Variants in EIF4G2 observed in about 807,000 individuals in gnomAD.
EIF4G2 encodes the protein DAP-5.
In EIF4G2, 8 loss-of-function variants were observed where a neutral mutation model predicts 117.7. The observed-to-expected ratio is 0.07, with a 90% CI of 0.04 to 0.12. The LOEUF is 0.12. Among genes scored for constraint, EIF4G2 ranks in the 10% least tolerant of loss-of-function variants. EIF4G2 has a pLI of 1.00. For synonymous variants in EIF4G2, 413 were observed against 367.8 expected, an observed-to-expected ratio of 1.12 and a Z score of -1.41; for missense variants, 812 against 1,086.2, an observed-to-expected ratio of 0.75 and a Z score of 3.55.
At chr11:10,808,252 C>A in intron 1 of EIF4G2, 1 of 1,181,414 alleles carries the variant, frequency 8.5e-7, no homozygotes, top group Non-Finnish European at 1.1e-6. Context: ...AAGGGCAGCC[C>A]CTGCCGACTC....
In EIF4G2 at chr11:10,799,770, G is replaced by C; in HGVS notation, c.2120-14C>G. 6.2e-7 allele frequency: 1 copy of C among 1,609,084 alleles called. No homozygotes were observed. Among genetic ancestry groups the C allele is most frequent in the Non-Finnish European group, 8.5e-7 (1 of 1,178,608 alleles). ...TCTGATCAATTTCTGAAGAGACAAAGCCACCTGCATCATCTAATAGTTCAT... is the reference window on the plus strand; with the variant it reads ...TCTGATCAATTTCTGAAGAGACAAACCCACCTGCATCATCTAATAGTTCAT... On this transcript the variant is annotated splice_polypyrimidine_tract_variant and intron_variant, in intron 18 of 21. Coordinates refer to ENST00000339995, the MANE Select transcript of EIF4G2 (RefSeq NM_001418.4).
In EIF4G2 at chr11:10,803,649, CTT is replaced by C; in HGVS notation, c.703-61_703-60del. The C allele has an allele frequency of 4.2e-6, 6 of 1,422,048 alleles. No homozygotes were observed. The highest frequency in any genetic ancestry group is 5.9e-6 in the Non-Finnish European group (6 of 1,015,158). 88.1% of individuals were successfully genotyped at this position (1,422,048 alleles called of 1,614,324 possible). ...TAGTTACTCTGGTTTAGGCGTAGTA[CTT>C]TCTTTCCCTTTATGTTTGCACTGAC... On this transcript the variant is annotated intron_variant, in intron 8 of 21. Coordinates refer to ENST00000339995, the MANE Select transcript of EIF4G2 (RefSeq NM_001418.4). The surrounding 1 kb of genome is among the most constrained non-coding windows in gnomAD (Gnocchi z 4.0).
intron 1 of EIF4G2, 172 bp from the exon 2 acceptor site, chr11:10,807,553 A>T: frequency 7.8e-7 from 1 of 1,279,872 alleles, no homozygotes; most frequent in East Asian, 3.3e-5. Context: ...AGCCACCTGG[A>T]AATTCCCCGG....
chr11:10,808,128 C>T (rs1041538800), intron 1 of EIF4G2: 60 of 1,051,258 alleles, frequency 5.7e-5, no homozygotes, highest in Middle Eastern at 9.1e-4. Flanking sequence ...CCGCCGCCTC[C>T]AAGCGGGCCC....
rs778467014 is a variant in EIF4G2 at position 10,803,989 on chromosome 11, C to T, written c.612G>A (p.Lys204=). The change falls in exon 8 of 22, where the codon AAG becomes AAA. Residue 204 remains lysine, a synonymous_variant. Coordinates refer to ENST00000339995, the MANE Select transcript of EIF4G2 (RefSeq NM_001418.4). This position sits in a 1 kb window ranked among gnomAD's most constrained non-coding sequence, Gnocchi z 4.0. ...ATTTGATGTTTCCCAACATCTTGAT[C>T]TTAGCAATGGCTCTCTGTTCCTCCT... The T allele has an allele frequency of 1.5e-5, 24 of 1,614,176 alleles. No homozygotes were observed. The East Asian group carries it at 3.8e-4, about 25-fold the overall frequency.
chr11:10,806,132 T>C (rs538287044), intron 3 of EIF4G2, 85 bp from the exon 4 acceptor site: 3 of 1,578,420 alleles, frequency 1.9e-6, no homozygotes, highest in East Asian at 2.3e-5. Context: ...AAAAAAGTAA[T>C]TTAGGCTTTC....
At position 10,803,616 on chromosome 11, in the gene EIF4G2, C is replaced by A; in HGVS notation, c.703-26G>T. 1.9e-6 allele frequency: 3 copies of A among 1,593,374 alleles called. No individual in the cohort carries two copies. Among genetic ancestry groups the A allele is most frequent in the Non-Finnish European group, 2.6e-6 (3 of 1,163,334 alleles). ...CTACAAGAATAAAAGGCCATGGTGA[C>A]AAAGTTTTAGTTACTCTGGTTTAGG... On this transcript the variant is annotated intron_variant, in intron 8 of 21. Transcript: ENST00000339995. The surrounding 1 kb of genome is among the most constrained non-coding windows in gnomAD (Gnocchi z 4.0).
At chr11:10,807,894 G>C in intron 1 of EIF4G2, 1 of 1,009,178 alleles carries the variant, frequency 9.9e-7, no homozygotes, top group Non-Finnish European at 1.2e-6. Context: ...GCAGGCGGAA[G>C]ACCAGGGCCA....
chr11:10,797,289 G>A lies in EIF4G2; in HGVS notation c.*527C>T, dbSNP rs1847287154. 1 of 153,582 alleles carries A rather than the reference G, an allele frequency of 6.5e-6. No individual in the cohort carries two copies. Among genetic ancestry groups the A allele is most frequent in the African/African-American group, 2.4e-5 (1 of 41,402 alleles). 9.5% of individuals were successfully genotyped at this position (153,582 alleles called of 1,614,324 possible). A position where few individuals can be genotyped will look rare whatever the true frequency, so the allele number is the denominator to read the frequency against. ...TTAAAAAGACTTGTGCACTTGCCCA[G>A]GCTCAAGGATATTAAAATCTAGCAC... On this transcript the variant is annotated 3_prime_UTR_variant, in exon 22 of 22. Transcript: ENST00000339995. This position sits in a 1 kb window ranked among gnomAD's most constrained non-coding sequence, Gnocchi z 4.5.
rs199714182 is a variant in EIF4G2, at chr11:10,800,623, T to G, written c.1669A>C (p.Asn557His). ...ACAGCCTCATTTGCATTTCCACTAT[T>G]TAGATATTCAGTCACAACAGTTTCC... The change falls in exon 17 of 22, where the codon AAT (asparagine) becomes CAT (histidine). Residue 557 changes from asparagine to histidine, a missense_variant. By Grantham distance (68) the Asn-to-His change is moderately conservative. Coordinates refer to ENST00000339995, the MANE Select transcript of EIF4G2 (RefSeq NM_001418.4). The G allele has an allele frequency of 1.2e-6, 2 of 1,614,174 alleles. No individual in the cohort carries two copies. Among genetic ancestry groups the G allele is most frequent in the East Asian group, 2.2e-5 (1 of 44,870 alleles).
Position 10,800,264 on chromosome 11 carries a change from G to A in EIF4G2, c.1945C>T (p.Arg649Cys). 6.2e-7 allele frequency: 1 copy of A among 1,614,168 alleles called. No homozygotes were observed. Among genetic ancestry groups the A allele is most frequent in the Non-Finnish European group, 8.5e-7 (1 of 1,180,024 alleles). ...CTCACCAGCTCTGAAATGATGGCAC[G>A]AGCTGCAAACTGTGCTAAATAGGAT... is the stretch of plus-strand genomic sequence containing the variant. The change falls in exon 18 of 22, where the codon CGT becomes TGT. Residue 649 changes from arginine (R) to cysteine (C), a missense_variant. Arg to Cys is a radical substitution (Grantham distance 180). Coordinates refer to ENST00000339995, the MANE Select transcript of EIF4G2 (RefSeq NM_001418.4).
At chr11:10,804,569 G>C in intron 5 of EIF4G2, 151 bp from the exon 6 acceptor site, 4 of 1,005,150 alleles carry the variant, frequency 4.0e-6, no homozygotes, top group Non-Finnish European at 5.6e-6. Context: ...CATCTCCTGG[G>C]AGTCAGAAAA....
Position 10,803,202 on chromosome 11 carries a change from C to T in EIF4G2, c.897+9G>A. Reference sequence around the variant, plus strand: ...AGCTTACCAACAAATTTAAAGAAACCAGTATTACCTGCAGCAGGAAACGAA... The same window carrying T: ...AGCTTACCAACAAATTTAAAGAAACTAGTATTACCTGCAGCAGGAAACGAA... On this transcript the variant is annotated intron_variant, in intron 10 of 21. Transcript: ENST00000339995. The surrounding 1 kb of genome is among the most constrained non-coding windows in gnomAD (Gnocchi z 4.0). The T allele has an allele frequency of 6.2e-7, 1 of 1,610,452 alleles. No individual in the cohort carries two copies. The highest frequency in any genetic ancestry group is 8.5e-7 in the Non-Finnish European group (1 of 1,179,102).
chr11:10,803,005 C>CA lies in EIF4G2; in HGVS notation c.996+24dup, dbSNP rs776099508. On this transcript the variant is annotated intron_variant, in intron 11 of 21. Transcript: ENST00000339995. The surrounding 1 kb of genome is among the most constrained non-coding windows in gnomAD (Gnocchi z 4.0). ...TTCTACACACACAGAGTCTATGTGA[C>CA]AAACAAAACAAAACCCAATCTTACT... The CA allele has an allele frequency of 1.9e-6, 3 of 1,599,894 alleles. No homozygotes were observed. Among genetic ancestry groups the CA allele is most frequent in the Non-Finnish European group, 2.6e-6 (3 of 1,171,956 alleles).
chr11:10,802,947 C>T (rs187056301), intron 11 of EIF4G2, 83 bp downstream of exon 11: 16 of 1,194,252 alleles, frequency 1.3e-5, no homozygotes, highest in African/African-American at 4.6e-5. Flanking sequence ...ACCCCTCAAG[C>T]GTTTGGGGTG....
In EIF4G2 at chr11:10,807,314, A is replaced by G; in HGVS notation, c.-19T>C. The G allele has an allele frequency of 6.2e-7, 1 of 1,613,972 alleles. No homozygotes were observed. Among genetic ancestry groups the G allele is most frequent in the Middle Eastern group, 1.6e-4 (1 of 6,062 alleles). On this transcript the variant is annotated 5_prime_UTR_variant, in exon 2 of 22. Transcript: ENST00000339995. Reference sequence around the variant, plus strand: ...TCTCCACTTTGGCGGCTTGACAACGAAGAATCTTCAAAAGAATAATATTAA... The same window carrying G: ...TCTCCACTTTGGCGGCTTGACAACGGAGAATCTTCAAAAGAATAATATTAA...
At chr11:10,801,346 T>A in intron 14 of EIF4G2, 1 of 627,174 alleles carries the variant, frequency 1.6e-6, no homozygotes, top group Non-Finnish European at 2.8e-6. Context: ...AATAAAAAAC[T>A]GCAAATTTAA....
intron 3 of EIF4G2, 39 bp downstream of exon 3, chr11:10,806,781 T>C: frequency 6.2e-7 from 1 of 1,604,994 alleles, no homozygotes; most frequent in Non-Finnish European, 8.5e-7. Context: ...TTTTAATCTG[T>C]TAAATAAAGC....
At position 10,797,783 on chromosome 11, in the gene EIF4G2, T is replaced by C. The variant is rs1295129955; in HGVS notation, c.*33A>G. The C allele has an allele frequency of 1.9e-6, 3 of 1,608,318 alleles. No homozygotes were observed. The highest frequency in any genetic ancestry group is 2.6e-6 in the Non-Finnish European group (3 of 1,175,534). ...ATGCAGTTACATCATAGCAACAGTATGTTTTGCACAATTTAAGGCTTTGGC... is the reference window on the plus strand; with the variant it reads ...ATGCAGTTACATCATAGCAACAGTACGTTTTGCACAATTTAAGGCTTTGGC... On this transcript the variant is annotated 3_prime_UTR_variant, in exon 22 of 22. Transcript: ENST00000339995. This position sits in a 1 kb window ranked among gnomAD's most constrained non-coding sequence, Gnocchi z 4.5.
Sources: gnomAD v4.1 joint callset for allele counts on GRCh38, gnomAD v4.1.1 for gene constraint, Gnocchi (gnomAD v3.1) non-coding constraint, MANE v1.5 for transcripts, NCBI Gene and HGNC (gene_info 2026-07-23, HGNC 2026-07-21) for gene names.